DYRK1A: variants seen among roughly 807,000 people sequenced by gnomAD.
The protein encoded by DYRK1A is dual specificity tyrosine phosphorylation regulated kinase 1A.
DYRK1A carries 9 observed loss-of-function variants against 79.7 expected under a neutral mutation model. That is an observed-to-expected ratio of 0.11 (90% CI 0.07 to 0.20). The LOEUF is 0.20. Among genes scored for constraint, DYRK1A ranks in the 10% least tolerant of loss-of-function variants. DYRK1A has a pLI of 1.00. For synonymous variants in DYRK1A, 349 were observed against 329.7 expected (o/e 1.06, Z -0.63); for missense variants, 622 against 956.0 (o/e 0.65, Z 4.61).
chr21:37,505,961 A>C, intron 10 of DYRK1A, 138 bp from the exon 11 acceptor site: 2 of 1,094,014 alleles, frequency 1.8e-6, no homozygotes, highest in Middle Eastern at 2.8e-4. Flanking sequence ...TTTGTGATAT[A>C]CTTTCAAGTT....
intron 1 of DYRK1A, among the ~76,000 whole-genome samples, chr21:37,409,225 A>G (rs956712657): frequency 4.6e-5 from 7 of 152,202 alleles, no homozygotes; most frequent in Non-Finnish European, 1.0e-4. Flanking sequence ...AACAGTAAAA[A>G]GAAGCAGCTG....
At chr21:37,429,164 C>T (rs1336496993) in intron 2 of DYRK1A, among the ~76,000 whole-genome samples, 13 of 152,196 alleles carry the variant, frequency 8.5e-5, no homozygotes, top group South Asian at 2.1e-4. Flanking sequence ...AAAAAGATAC[C>T]GAGATGTAAA....
At chr21:37,463,232 G>GTA (rs1375109242) in intron 2 of DYRK1A, among the ~76,000 whole-genome samples, 1 of 147,500 alleles carries the variant, frequency 6.8e-6, no homozygotes, top group Non-Finnish European at 1.5e-5. Context: ...GTGTGTGTGT[G>GTA]TATCCTGTAG....
chr21:37,414,933 G>GTT (rs1569302464), intron 1 of DYRK1A, among the ~76,000 whole-genome samples: 2 of 152,164 alleles, frequency 1.3e-5, no homozygotes, highest in Non-Finnish European at 2.9e-5. Context: ...TACATATTTT[G>GTT]AGTTAGTAAC....
At chr21:37,506,361 A>T in intron 11 of DYRK1A, 138 bp downstream of exon 11, 1 of 1,558,042 alleles carries the variant, frequency 6.4e-7, no homozygotes, top group Non-Finnish European at 8.7e-7. Flanking sequence ...AAATGTAAGT[A>T]TTTATCATAG....
At chr21:37,382,218 T>A (rs181566530) in intron 1 of DYRK1A, among the ~76,000 whole-genome samples, 5,743 of 148,318 alleles carry the variant, frequency 0.039, 322 homozygotes, top group African/African-American at 0.12. Flanking sequence ...TTTTTTTTTT[T>A]AAAAAAAAAA....
intron 2 of DYRK1A, among the ~76,000 whole-genome samples, chr21:37,435,194 A>G (rs748370204): frequency 5.3e-5 from 8 of 152,320 alleles, no homozygotes; most frequent in Non-Finnish European, 8.8e-5. Context: ...TTGTTTTCCT[A>G]TTGGACAATT....
At chr21:37,501,812 G>T (rs2053459792) in intron 9 of DYRK1A, 1 of 152,118 alleles carries the variant, frequency 6.6e-6, no homozygotes, top group African/African-American at 2.4e-5. Context: ...GTGTGTATTT[G>T]TGTATATTCT....
chr21:37,420,266 A>T, intron 1 of DYRK1A, 33 bp from the exon 2 acceptor site: 1 of 801,804 alleles, frequency 1.2e-6, no homozygotes. Flanking sequence ...TTGCATCATT[A>T]TCTCTTATCA....
At chr21:37,479,600 G>GTTTTTTTT (rs1569362052) in intron 4 of DYRK1A, among the ~76,000 whole-genome samples, 1 of 22,792 alleles carries the variant, frequency 4.4e-5, no homozygotes, top group East Asian at 2.7e-3. Context: ...TTTTGTTTTT[G>GTTTTTTTT]TTTTTGTTTT....
At chr21:37,419,767 T>C (rs2050428503) in intron 1 of DYRK1A, 1 of 152,250 alleles carries the variant, frequency 6.6e-6, no homozygotes, top group East Asian at 1.9e-4. Flanking sequence ...TACAATAAAA[T>C]AAGAGAAACC....
intron 1 of DYRK1A, among the ~76,000 whole-genome samples, chr21:37,403,663 A>ATG (rs761056038): frequency 0.08 from 9,744 of 121,176 alleles, 412 homozygotes; most frequent in South Asian, 0.11. Flanking sequence ...ATATATATAT[A>ATG]TGTGTGTGTG....
In DYRK1A at chr21:37,378,875, C is replaced by T. The variant is rs190897915; in HGVS notation, c.-77+11247C>T. On this transcript the variant is annotated intron_variant, in intron 1 of 11. Coordinates refer to ENST00000647188, the MANE Select transcript of DYRK1A (RefSeq NM_001347721.2). ...AGGAAGTAAGACAATTATGGGGATT[C>T]GAGTGTGCATTGTGGAGATGGGACT... 5.9e-5 allele frequency among the ~76,000 whole-genome samples: 9 copies of T among 152,120 alleles called. No homozygotes were observed. The South Asian group carries it at 1.9e-3, about 32-fold the overall frequency.
At chr21:37,407,684 C>A (rs549567131) in intron 1 of DYRK1A, among the ~76,000 whole-genome samples, 70 of 152,260 alleles carry the variant, frequency 4.6e-4, no homozygotes, top group African/African-American at 1.6e-3. Context: ...TTGTATAATT[C>A]ATCTCTTAGA....
At chr21:37,386,635 G>A (rs1448820976) in intron 1 of DYRK1A, among the ~76,000 whole-genome samples, 2 of 152,198 alleles carry the variant, frequency 1.3e-5, no homozygotes, top group East Asian at 1.9e-4. Flanking sequence ...GCTTTTGGAT[G>A]CAGCTATTGA....
In DYRK1A at chr21:37,525,960, T is replaced by C. The variant is rs1157394693; in HGVS notation, c.*13429T>C. ...ACTTTTGCTGCAGACTTGATAGTGT[T>C]TCTTAAGGAATTCAGCCTAAACCAC... On this transcript the variant is annotated 3_prime_UTR_variant, in exon 12 of 12. Coordinates refer to ENST00000647188, the MANE Select transcript of DYRK1A (RefSeq NM_001347721.2). 1 of 152,240 alleles carries C rather than the reference T, an allele frequency of 6.6e-6. No individual in the cohort carries two copies. The highest frequency in any genetic ancestry group is 1.5e-5 in the Non-Finnish European group (1 of 68,036). The allele number at this position is 152,240 out of a possible 1,614,324, so 9.4% of individuals were successfully genotyped here.
At chr21:37,451,365 C>CCCCCCCCCAT (rs59321172) in intron 2 of DYRK1A, among the ~76,000 whole-genome samples, 1 of 140,472 alleles carries the variant, frequency 7.1e-6, no homozygotes. Context: ...TCCATCCCTC[C>CCCCCCCCCAT]CTCCCTCCAT....
At chr21:37,504,158 T>C (rs564799799) in intron 9 of DYRK1A, 198 of 152,370 alleles carry the variant, frequency 1.3e-3, no homozygotes, top group African/African-American at 4.5e-3. Context: ...TGTTTTGAGC[T>C]GGGATCAGGA....
chr21:37,378,896 G>T (rs897507618), intron 1 of DYRK1A, among the ~76,000 whole-genome samples: 4 of 152,124 alleles, frequency 2.6e-5, no homozygotes, highest in African/African-American at 7.2e-5. Context: ...TGTGGAGATG[G>T]GACTGGGTCT....
Sources: allele counts gnomAD v4.1 joint callset (sites outside exome capture counted in the v4.1 genomes callset), GRCh38; gene constraint gnomAD v4.1.1; transcripts MANE v1.5; gene names NCBI Gene and HGNC (gene_info 2026-07-23, HGNC 2026-07-21).